Variants in PLPPR5 observed in about 807,000 individuals in gnomAD.
The protein encoded by PLPPR5 is phospholipid phosphatase related 5.
In PLPPR5, 16 loss-of-function variants were observed where a neutral mutation model predicts 33.9. That is an observed-to-expected ratio of 0.47 (90% CI 0.32 to 0.72). The LOEUF (loss-of-function observed/expected upper bound fraction) is 0.72. PLPPR5 is among the 30% of genes least tolerant of loss of function. The pLI, the probability that PLPPR5 is intolerant of heterozygous loss-of-function variation, is 0.03. For missense variants in PLPPR5, 301 were observed against 406.7 expected (o/e 0.74, Z 2.23); for synonymous variants, 163 against 150.3 (o/e 1.08, Z -0.62).
intron 1 of PLPPR5, among the ~76,000 whole-genome samples, chr1:98,974,145 G>C (rs576009657): frequency 3.4e-4 from 52 of 152,158 alleles, no homozygotes; most frequent in African/African-American, 1.2e-3. Flanking sequence ...GGGCAATAAA[G>C]AGAAGCAAAC....
intron 1 of PLPPR5, among the ~76,000 whole-genome samples, chr1:98,997,243 TA>T (rs1652663123): frequency 6.6e-6 from 1 of 152,124 alleles, no homozygotes; most frequent in Non-Finnish European, 1.5e-5. Flanking sequence ...TTTTACAGAT[TA>T]AAAAAACTGA....
intron 1 of PLPPR5, among the ~76,000 whole-genome samples, chr1:98,958,633 A>G (rs1452450992): frequency 6.6e-6 from 1 of 152,182 alleles, no homozygotes; most frequent in African/African-American, 2.4e-5. Context: ...ATTATTTTTC[A>G]TGAGTATCTG....
chr1:98,993,668 A>G (rs1196882553), intron 1 of PLPPR5, among the ~76,000 whole-genome samples: 2 of 152,074 alleles, frequency 1.3e-5, no homozygotes, highest in African/African-American at 2.4e-5. Flanking sequence ...CATTATCTCT[A>G]TCCAGGACTG....
chr1:99,000,791 A>G (rs1463809341), intron 1 of PLPPR5, among the ~76,000 whole-genome samples: 1 of 152,198 alleles, frequency 6.6e-6, no homozygotes, highest in African/African-American at 2.4e-5. Flanking sequence ...AATTACTTAT[A>G]TTATGATCTG....
At chr1:98,985,533 C>G (rs76972833) in intron 1 of PLPPR5, among the ~76,000 whole-genome samples, 2,688 of 152,050 alleles carry the variant, frequency 0.018, 88 homozygotes, top group African/African-American at 0.062. Flanking sequence ...CAATAGTGTA[C>G]AGTAATGTCC....
At chr1:98,988,570 A>C (rs961260588) in intron 1 of PLPPR5, among the ~76,000 whole-genome samples, 2 of 152,100 alleles carry the variant, frequency 1.3e-5, no homozygotes, top group African/African-American at 4.8e-5. Flanking sequence ...CTGTAAGCTA[A>C]AACTGGACAA....
chr1:98,985,661 A>G (rs1337294927), intron 1 of PLPPR5, among the ~76,000 whole-genome samples: 2 of 151,954 alleles, frequency 1.3e-5, no homozygotes, highest in Non-Finnish European at 2.9e-5. Context: ...CTATTATACC[A>G]TATTTTTACT....
intron 1 of PLPPR5, among the ~76,000 whole-genome samples, chr1:98,960,144 C>A (rs1651178346): frequency 6.6e-6 from 1 of 151,984 alleles, no homozygotes; most frequent in Non-Finnish European, 1.5e-5. Flanking sequence ...CTCTTAACTT[C>A]CCCCACCCAA....
rs1377725890 is a variant in PLPPR5, at chr1:98,890,400, G to A, written c.*2672C>T. On this transcript the variant is annotated 3_prime_UTR_variant, in exon 6 of 6. Transcript: ENST00000263177. Reference sequence around the variant, plus strand: ...TAGATCCTGAGAAAAGAGAGGCCCAGTTAGAAGTGGAAAATACAAAGTCTG... The same window carrying A: ...TAGATCCTGAGAAAAGAGAGGCCCAATTAGAAGTGGAAAATACAAAGTCTG... 1 of 152,492 alleles carries A rather than the reference G, an allele frequency of 6.6e-6. No individual in the cohort carries two copies. Among genetic ancestry groups the A allele is most frequent in the African/African-American group, 2.4e-5 (1 of 41,412 alleles). The allele number at this position is 152,492 out of a possible 1,614,324, so 9.4% of individuals were successfully genotyped here. A position where few individuals can be genotyped will look rare whatever the true frequency, so the allele number is the denominator to read the frequency against.
chr1:98,964,468 C>T (rs184967448), intron 1 of PLPPR5, among the ~76,000 whole-genome samples: 56 of 152,248 alleles, frequency 3.7e-4, no homozygotes, highest in Admixed American at 3.5e-3. Context: ...AAAAACTCTC[C>T]ATTGCTTGGG....
At chr1:98,947,379 G>C (rs757484207) in intron 3 of PLPPR5, among the ~76,000 whole-genome samples, 7 of 152,180 alleles carry the variant, frequency 4.6e-5, no homozygotes, top group African/African-American at 9.6e-5. Context: ...ATACCCAAAT[G>C]TAAGTGTCTT....
intron 5 of PLPPR5, among the ~76,000 whole-genome samples, chr1:98,893,957 G>A (rs750418675): frequency 5.3e-5 from 8 of 151,964 alleles, no homozygotes; most frequent in Non-Finnish European, 1.0e-4. Context: ...TATGATGAAT[G>A]TATGCCATAA....
intron 5 of PLPPR5, among the ~76,000 whole-genome samples, chr1:98,906,348 A>G (rs1000979157): frequency 6.6e-6 from 1 of 151,692 alleles, no homozygotes; most frequent in African/African-American, 2.4e-5. Context: ...TCCAACAATA[A>G]TATTTATTTC....
At chr1:99,000,102 A>C (rs1017328575) in intron 1 of PLPPR5, among the ~76,000 whole-genome samples, 2 of 152,204 alleles carry the variant, frequency 1.3e-5, no homozygotes, top group African/African-American at 4.8e-5. Flanking sequence ...AACACCAAGG[A>C]TCACTAACTA....
At chr1:98,959,183 G>A (rs1269865164) in intron 1 of PLPPR5, among the ~76,000 whole-genome samples, 2 of 152,178 alleles carry the variant, frequency 1.3e-5, no homozygotes, top group East Asian at 3.8e-4. Flanking sequence ...ACTGGAGCCT[G>A]TATATGAAGT....
chr1:98,996,002 A>G (rs1652617837), intron 1 of PLPPR5, among the ~76,000 whole-genome samples: 1 of 152,050 alleles, frequency 6.6e-6, no homozygotes, highest in Admixed American at 6.6e-5. Flanking sequence ...TGTAAATAAA[A>G]TACAATATAA....
At chr1:98,949,218 AT>A (rs909936186) in intron 3 of PLPPR5, among the ~76,000 whole-genome samples, 232 of 150,220 alleles carry the variant, frequency 1.5e-3, no homozygotes, top group African/African-American at 5.4e-3. Context: ...AACTCTCACA[AT>A]TTTTTTTTTC....
chr1:98,946,526 T>C (rs528589330), intron 3 of PLPPR5, among the ~76,000 whole-genome samples: 1 of 152,304 alleles, frequency 6.6e-6, no homozygotes, highest in Non-Finnish European at 1.5e-5. Flanking sequence ...TGTTTCTTGT[T>C]CTTTGCCTTT....
chr1:98,966,840 C>G (rs1651466371), intron 1 of PLPPR5, among the ~76,000 whole-genome samples: 1 of 152,112 alleles, frequency 6.6e-6, no homozygotes, highest in African/African-American at 2.4e-5. Context: ...AGATATATGT[C>G]TATTTTGAGA....
Sources: allele counts gnomAD v4.1 joint callset (sites outside exome capture counted in the v4.1 genomes callset), GRCh38; gene constraint gnomAD v4.1.1; transcripts MANE v1.5; gene names NCBI Gene and HGNC (gene_info 2026-07-23, HGNC 2026-07-21).